NKAIN2: variants seen among roughly 807,000 people sequenced by gnomAD.
NKAIN2 encodes the protein sodium/potassium-transporting ATPase subunit beta-1-interacting protein 2.
In NKAIN2, 14 loss-of-function variants were observed where a neutral mutation model predicts 32.6. That is an observed-to-expected ratio of 0.43 (90% CI 0.28 to 0.67). NKAIN2 has a LOEUF of 0.67. Ranked by LOEUF, NKAIN2 falls within the 30% of genes least tolerant of loss-of-function variation. The pLI is 0.17. For missense variants in NKAIN2, 198 were observed against 258.3 expected, an observed-to-expected ratio of 0.77 and a Z score of 1.60; for synonymous variants, 80 against 87.2, an observed-to-expected ratio of 0.92 and a Z score of 0.46.
At chr6:124,799,080 A>G (rs1780139846) in intron 5 of NKAIN2, among the ~76,000 whole-genome samples, 1 of 152,254 alleles carries the variant, frequency 6.6e-6, no homozygotes, top group Non-Finnish European at 1.5e-5. Flanking sequence ...ATTTGAATAA[A>G]GCACCTGTCA....
intron 1 of NKAIN2, among the ~76,000 whole-genome samples, chr6:123,950,103 A>G (rs1044929655): frequency 6.6e-6 from 1 of 151,880 alleles, no homozygotes; most frequent in Non-Finnish European, 1.5e-5. Context: ...ATTGATTTTC[A>G]TATGTAGAAC....
intron 1 of NKAIN2, among the ~76,000 whole-genome samples, chr6:123,989,365 T>A (rs962512162): frequency 1.1e-4 from 17 of 152,180 alleles, no homozygotes; most frequent in African/African-American, 4.1e-4. Context: ...AATTGAGAAG[T>A]AGTTCAAGGA....
intron 3 of NKAIN2, among the ~76,000 whole-genome samples, chr6:124,558,164 A>T (rs1780547426): frequency 6.6e-6 from 1 of 152,220 alleles, no homozygotes; most frequent in South Asian, 2.1e-4. Context: ...ATAGGTGATG[A>T]AGTTATTTTA....
At chr6:123,985,293 G>A (rs759079229) in intron 1 of NKAIN2, among the ~76,000 whole-genome samples, 5 of 152,044 alleles carry the variant, frequency 3.3e-5, no homozygotes, top group South Asian at 4.2e-4. Flanking sequence ...CCAGCTACTC[G>A]GGAGGCTGAG....
intron 3 of NKAIN2, among the ~76,000 whole-genome samples, chr6:124,571,471 CCT>C (rs1308911846): frequency 4.6e-5 from 7 of 152,132 alleles, no homozygotes; most frequent in Middle Eastern, 3.4e-3. Flanking sequence ...CTGTCTGTCC[CCT>C]GTTTTCATGA....
At chr6:124,813,652 T>C (rs1657491289) in intron 5 of NKAIN2, among the ~76,000 whole-genome samples, 1 of 152,186 alleles carries the variant, frequency 6.6e-6, no homozygotes, top group South Asian at 2.1e-4. Flanking sequence ...TAAAACTCTA[T>C]AAATCTGTAC....
At chr6:124,805,569 C>A (rs1280376720) in intron 5 of NKAIN2, among the ~76,000 whole-genome samples, 1 of 152,190 alleles carries the variant, frequency 6.6e-6, no homozygotes, top group African/African-American at 2.4e-5. Flanking sequence ...ACTGGAAACT[C>A]TAAAAAGCAG....
intron 1 of NKAIN2, among the ~76,000 whole-genome samples, chr6:123,938,398 A>T (rs1400518940): frequency 0.08 from 138 of 1,728 alleles, 3 homozygotes; most frequent in African/African-American, 0.17. Context: ...TGCAAGGGTT[A>T]TATATATATA....
chr6:124,024,688 C>T (rs565324137), intron 1 of NKAIN2, among the ~76,000 whole-genome samples: 1 of 152,156 alleles, frequency 6.6e-6, no homozygotes, highest in South Asian at 2.1e-4. Context: ...AACTCAGCCA[C>T]TTCAAGAGTG....
intron 3 of NKAIN2, among the ~76,000 whole-genome samples, chr6:124,398,279 AAAAGATG>A (rs1773483627): frequency 7.2e-6 from 1 of 139,382 alleles, no homozygotes; most frequent in African/African-American, 2.7e-5. Context: ...AAAAAAAAAA[AAAAGATG>A]AGCCCAAATT....
At chr6:124,367,450 C>T (rs1444510621) in intron 3 of NKAIN2, among the ~76,000 whole-genome samples, 3 of 152,098 alleles carry the variant, frequency 2.0e-5, no homozygotes, top group South Asian at 2.1e-4. Context: ...ACATCTCTCA[C>T]GTCGATTCCA....
chr6:124,271,126 A>G lies in NKAIN2; in HGVS notation c.55-11879A>G, dbSNP rs138797837. On this transcript the variant is annotated intron_variant, in intron 1 of 6. Coordinates refer to ENST00000368417, the MANE Select transcript of NKAIN2 (RefSeq NM_001040214.3). ...TTCTCTCTCTCTCCTGCCTCCATGT[A>G]AAAGGTACCTTGCTTCTCCTTCCCC... 2.8e-3 allele frequency among the ~76,000 whole-genome samples: 425 copies of G among 152,212 alleles called. 2 individuals are homozygous for G. Among genetic ancestry groups the G allele is most frequent in the African/African-American group, 9.3e-3 (388 of 41,536 alleles).
At chr6:123,910,499 G>GTGTTTTTTTTTTTTTTTTTTTTTT (rs1491095246) in intron 1 of NKAIN2, among the ~76,000 whole-genome samples, 7 of 81,322 alleles carry the variant, frequency 8.6e-5, no homozygotes, top group African/African-American at 3.5e-4. Context: ...TGCAATGCAT[G>GTGTTTTTTTTTTTTTTTTTTTTTT]TTTTTTTTTT....
intron 3 of NKAIN2, among the ~76,000 whole-genome samples, chr6:124,575,222 G>A (rs1781285385): frequency 6.6e-6 from 1 of 152,128 alleles, no homozygotes; most frequent in African/African-American, 2.4e-5. Context: ...GACCTCCTCA[G>A]CACTGGCAAG....
intron 1 of NKAIN2, among the ~76,000 whole-genome samples, chr6:123,937,719 C>T (rs1776585830): frequency 6.6e-6 from 1 of 152,040 alleles, no homozygotes; most frequent in African/African-American, 2.4e-5. Context: ...TGACTTGATG[C>T]CCATTTTCCC....
At chr6:123,851,216 G>A (rs1348072856) in intron 1 of NKAIN2, among the ~76,000 whole-genome samples, 2 of 150,902 alleles carry the variant, frequency 1.3e-5, no homozygotes, top group African/African-American at 4.9e-5. Flanking sequence ...TACTCAGTAG[G>A]GGGATTGCTG....
In NKAIN2 at chr6:124,341,353, G is replaced by A. The variant is rs562503542; in HGVS notation, c.193-13914G>A. 2.6e-4 allele frequency among the ~76,000 whole-genome samples: 40 copies of A among 152,072 alleles called. 1 individual carries two copies. The South Asian group carries it at 7.9e-3, about 30-fold the overall frequency. Reference sequence around the variant, plus strand: ...AAAAAATCAGGTAACAGAATATAGAGCAAGATTCCCATTTCATTTAAACAC... The same window carrying A: ...AAAAAATCAGGTAACAGAATATAGAACAAGATTCCCATTTCATTTAAACAC... On this transcript the variant is annotated intron_variant, in intron 2 of 6. Coordinates refer to ENST00000368417, the MANE Select transcript of NKAIN2 (RefSeq NM_001040214.3).
At chr6:124,245,024 T>G (rs1450667838) in intron 1 of NKAIN2, among the ~76,000 whole-genome samples, 3 of 152,136 alleles carry the variant, frequency 2.0e-5, no homozygotes. Context: ...AAGTATAGTT[T>G]AATTGAAGTT....
rs1392312686 is a variant in NKAIN2, at chr6:123,938,497, TTATA to T, written c.54+134248_54+134251del. On this transcript the variant is annotated intron_variant, in intron 1 of 6. Coordinates refer to ENST00000368417, the MANE Select transcript of NKAIN2 (RefSeq NM_001040214.3). The stretch of plus-strand genomic sequence containing the variant: ...ATTATACATAATATATAATATATAT[TTATA>T]TATAATATATTATATATATTTATAT... Among the ~76,000 whole-genome samples the T allele has an allele frequency of 3.9e-5, 5 of 129,172 alleles. 1 individual carries two copies. In the South Asian group the frequency reaches 1.2e-3, roughly 30 times the overall value. The allele number at this position is 129,172 out of a possible 152,430, so 84.7% of individuals were successfully genotyped here.
Sources: gnomAD v4.1 joint callset for allele counts (sites outside exome capture counted in the v4.1 genomes callset) on GRCh38, gnomAD v4.1.1 for gene constraint, MANE v1.5 for transcripts, NCBI Gene and HGNC (gene_info 2026-07-23, HGNC 2026-07-21) for gene names.